Variants in UBTD1 observed in about 807,000 individuals in gnomAD.
UBTD1 encodes the protein ubiquitin domain containing 1.
Under a neutral mutation model 21.7 loss-of-function variants are expected in UBTD1, and 19 were observed. The observed-to-expected ratio is 0.87, with a 90% confidence interval of 0.61 to 1.28. The LOEUF (loss-of-function observed/expected upper bound fraction) is 1.28. UBTD1 is among the 50% of genes most tolerant of loss of function. The pLI is 0.00. For synonymous variants in UBTD1, 116 were observed against 135.1 expected (o/e 0.86, Z 0.98); for missense variants, 282 against 315.1 (o/e 0.89, Z 0.80).
intron 1 of UBTD1, among the ~76,000 whole-genome samples, chr10:97,505,493 A>G (rs1042152723): frequency 1.3e-5 from 2 of 152,234 alleles, no homozygotes; most frequent in Non-Finnish European, 2.9e-5. Context: ...TTAAAAAGAT[A>G]ATATTTCCAG....
Position 97,536,386 on chromosome 10 carries a change from C to T in UBTD1, c.71-31528C>T, listed in dbSNP as rs77482542. 7.8e-3 allele frequency among the ~76,000 whole-genome samples: 1,189 copies of T among 152,244 alleles called. 18 individuals carry two copies. Among genetic ancestry groups the T allele is most frequent in the African/African-American group, 0.027 (1,127 of 41,518 alleles). On this transcript the variant is annotated intron_variant, in intron 1 of 2. Transcript: ENST00000370664. Reference sequence around the variant, plus strand: ...TTGTCCTTTAGTCCCCCAGTGGTGGCACGGCTGGTCAGAACAGGAGCCTGA... The same window carrying T: ...TTGTCCTTTAGTCCCCCAGTGGTGGTACGGCTGGTCAGAACAGGAGCCTGA...
At chr10:97,562,633 G>C (rs2040698282) in intron 1 of UBTD1, among the ~76,000 whole-genome samples, 1 of 151,938 alleles carries the variant, frequency 6.6e-6, no homozygotes, top group Non-Finnish European at 1.5e-5. Flanking sequence ...ATATCACAAA[G>C]TACATTATTG....
At chr10:97,528,251 G>A (rs2040501998) in intron 1 of UBTD1, among the ~76,000 whole-genome samples, 1 of 129,790 alleles carries the variant, frequency 7.7e-6, no homozygotes, top group Non-Finnish European at 1.7e-5. Context: ...AGGGGCGGCC[G>A]GGCAGAGGCG....
intron 1 of UBTD1, among the ~76,000 whole-genome samples, chr10:97,514,612 C>T (rs2040436668): frequency 1.3e-5 from 2 of 152,154 alleles, no homozygotes; most frequent in Admixed American, 1.3e-4. Context: ...ATTCAGCACT[C>T]ATCCAGTGGG....
At chr10:97,568,248 TATTC>T (rs1420789086) in intron 2 of UBTD1, 107 bp downstream of exon 2, 5 of 1,160,912 alleles carry the variant, frequency 4.3e-6, no homozygotes, top group East Asian at 2.5e-5. Flanking sequence ...GTTACTCACG[TATTC>T]ATTCATTCAA....
chr10:97,550,425 A>G (rs1392149193), intron 1 of UBTD1, among the ~76,000 whole-genome samples: 1 of 152,048 alleles, frequency 6.6e-6, no homozygotes, highest in Non-Finnish European at 1.5e-5. Flanking sequence ...CACAAGAACC[A>G]TCTCCTGGGG....
intron 1 of UBTD1, among the ~76,000 whole-genome samples, chr10:97,528,353 A>AC (rs1305415182): frequency 5.8e-5 from 6 of 103,390 alleles, no homozygotes; most frequent in East Asian, 3.4e-4. Flanking sequence ...CGGGGGGCTG[A>AC]CCCCCCCACC....
intron 1 of UBTD1, among the ~76,000 whole-genome samples, chr10:97,550,500 T>C (rs2135680501): frequency 6.6e-6 from 1 of 152,226 alleles, no homozygotes; most frequent in Non-Finnish European, 1.5e-5. Flanking sequence ...TCCGCCTGCC[T>C]CCCTGCTGCT....
chr10:97,550,385 C>T (rs1340385966), intron 1 of UBTD1, among the ~76,000 whole-genome samples: 2 of 152,156 alleles, frequency 1.3e-5, no homozygotes, highest in Non-Finnish European at 2.9e-5. Flanking sequence ...TGTCACATCC[C>T]AGTGGCTCAC....
intron 1 of UBTD1, among the ~76,000 whole-genome samples, chr10:97,529,368 T>C (rs1231335117): frequency 2.0e-5 from 3 of 152,054 alleles, no homozygotes; most frequent in Non-Finnish European, 2.9e-5. Flanking sequence ...GGGTAGCGGC[T>C]GGGCAGAGGC....
chr10:97,565,481 G>T (rs1208612114), intron 1 of UBTD1, among the ~76,000 whole-genome samples: 1 of 151,942 alleles, frequency 6.6e-6, no homozygotes, highest in Non-Finnish European at 1.5e-5. Flanking sequence ...TATACTTCTG[G>T]AAATTCAGTT....
chr10:97,569,754 G>A lies in UBTD1; in HGVS notation c.299-384G>A, dbSNP rs564495186. On this transcript the variant is annotated intron_variant, in intron 2 of 2. Transcript: ENST00000370664. The stretch of plus-strand genomic sequence containing the variant: ...CTTGCTGTGTCCTCACATGGGGAGC[G>A]AGTGGAGAGTGAGATAGTGCTCTAG... Among the ~76,000 whole-genome samples the A allele has an allele frequency of 4.6e-5, 7 of 152,190 alleles. No individual in the cohort carries two copies. In the South Asian group the frequency reaches 1.0e-3, roughly 23 times the overall value.
At chr10:97,568,691 G>A (rs935088227) in intron 2 of UBTD1, among the ~76,000 whole-genome samples, 4 of 152,148 alleles carry the variant, frequency 2.6e-5, no homozygotes, top group Admixed American at 6.5e-5. Context: ...CAAAGGCACT[G>A]ACCTTTTATT....
intron 1 of UBTD1, among the ~76,000 whole-genome samples, chr10:97,555,490 C>T (rs2040659643): frequency 6.6e-6 from 1 of 152,160 alleles, no homozygotes; most frequent in African/African-American, 2.4e-5. Flanking sequence ...ACAGACAAAA[C>T]CTCTCAGACA....
chr10:97,555,958 A>T (rs2040662220), intron 1 of UBTD1, among the ~76,000 whole-genome samples: 1 of 151,638 alleles, frequency 6.6e-6, no homozygotes, highest in Admixed American at 6.6e-5. Flanking sequence ...CCCCTTTGAG[A>T]CTCTCACTTT....
intron 1 of UBTD1, among the ~76,000 whole-genome samples, chr10:97,503,659 T>G (rs2040386886): frequency 2.0e-5 from 3 of 152,150 alleles, no homozygotes; most frequent in Non-Finnish European, 4.4e-5. Flanking sequence ...GTGGCTATTC[T>G]TGAGGGAGTA....
chr10:97,510,792 T>G (rs1360614379), intron 1 of UBTD1, among the ~76,000 whole-genome samples: 1 of 152,184 alleles, frequency 6.6e-6, no homozygotes, highest in Non-Finnish European at 1.5e-5. Context: ...GTCATTATCA[T>G]AGAGATAGCC....
chr10:97,545,878 G>A (rs1274722930), intron 1 of UBTD1, among the ~76,000 whole-genome samples: 4 of 152,120 alleles, frequency 2.6e-5, no homozygotes, highest in African/African-American at 9.7e-5. Flanking sequence ...GTGCAGTGGC[G>A]CAATCTCAGC....
intron 1 of UBTD1, among the ~76,000 whole-genome samples, chr10:97,546,461 A>C (rs2135677992): frequency 6.6e-6 from 1 of 152,118 alleles, no homozygotes; most frequent in Non-Finnish European, 1.5e-5. Context: ...GTCGTGGTGC[A>C]CACCTGTAGT....
Sources: allele counts gnomAD v4.1 joint callset (sites outside exome capture counted in the v4.1 genomes callset), GRCh38; gene constraint gnomAD v4.1.1; transcripts MANE v1.5; gene names NCBI Gene and HGNC (gene_info 2026-07-23, HGNC 2026-07-21).